The following DHRS4L2 variants were observed in gnomAD, a reference collection of about 807,000 sequenced individuals.
DHRS4L2 encodes the protein dehydrogenase/reductase SDR family member 4-like 2.
A neutral mutation model predicts 23.9 loss-of-function variants in DHRS4L2; 22 were observed. The observed-to-expected ratio is 0.92, with a 90% confidence interval of 0.66 to 1.31. The LOEUF is 1.31. DHRS4L2 is among the 40% of genes most tolerant of loss of function. The pLI is 0.00. For missense variants in DHRS4L2, 385 were observed against 303.3 expected, an observed-to-expected ratio of 1.27 and a Z score of -2.00; for synonymous variants, 141 against 123.7, an observed-to-expected ratio of 1.14 and a Z score of -0.93.
At chr14:24,005,652 T>G (rs927239711) in intron 7 of DHRS4L2, among the ~76,000 whole-genome samples, 1 of 151,954 alleles carries the variant, frequency 6.6e-6, no homozygotes, top group African/African-American at 2.4e-5. Flanking sequence ...ACCGGTGTGT[T>G]TCTATAGTAT....
chr14:23,991,821 A>C (rs56145320), intron 2 of DHRS4L2, among the ~76,000 whole-genome samples: 3,536 of 149,674 alleles, frequency 0.024, 109 homozygotes, highest in Middle Eastern at 0.058. Flanking sequence ...ACTGCAACCT[A>C]CGCCTCCAGG....
chr14:23,991,246 G>A (rs2034262566), intron 2 of DHRS4L2, among the ~76,000 whole-genome samples: 1 of 151,680 alleles, frequency 6.6e-6, no homozygotes, highest in Non-Finnish European at 1.5e-5. Flanking sequence ...CCATTTTTAA[G>A]GAACAGTCTG....
At chr14:23,984,483 C>T (rs2034105490), upstream of DHRS4L2, among the ~76,000 whole-genome samples, 1 of 151,482 alleles carries the variant, frequency 6.6e-6, no homozygotes, top group Admixed American at 6.6e-5. Flanking sequence ...TCATCACTCA[C>T]TCGACTTTCA....
At chr14:23,976,520 T>C (rs987922287) in intron 1 of DHRS4L2, among the ~76,000 whole-genome samples, 1 of 151,784 alleles carries the variant, frequency 6.6e-6, no homozygotes, top group African/African-American at 2.4e-5. Flanking sequence ...TGTAAATTAG[T>C]TCAACCATTG....
intron 2 of DHRS4L2, among the ~76,000 whole-genome samples, chr14:23,994,181 C>G (rs1286743592): frequency 1.3e-5 from 2 of 151,684 alleles, no homozygotes; most frequent in Non-Finnish European, 2.9e-5. Flanking sequence ...GACAGATTGA[C>G]TTTGAGATAA....
At chr14:23,981,250 T>C (rs1419063039) in intron 1 of DHRS4L2, among the ~76,000 whole-genome samples, 23 of 151,458 alleles carry the variant, frequency 1.5e-4, no homozygotes, top group South Asian at 6.3e-4. Flanking sequence ...TTACAAGGGA[T>C]GTGAAGGACC....
At chr14:23,988,667 G>C, upstream of DHRS4L2, 2 of 673,098 alleles carry the variant, frequency 3.0e-6, no homozygotes, top group Non-Finnish European at 4.1e-6. Flanking sequence ...GGGTTCCTGC[G>C]GGGGCCAGGG....
At chr14:23,977,445 G>C (rs1300289578) in intron 1 of DHRS4L2, among the ~76,000 whole-genome samples, 1 of 151,654 alleles carries the variant, frequency 6.6e-6, no homozygotes, top group Non-Finnish European at 1.5e-5. Flanking sequence ...TTATCACTGA[G>C]CTTAAGCCAC....
At chr14:23,983,498 A>C (rs1366068052) in intron 1 of DHRS4L2, among the ~76,000 whole-genome samples, 1 of 151,662 alleles carries the variant, frequency 6.6e-6, no homozygotes, top group Non-Finnish European at 1.5e-5. Flanking sequence ...CTATAACCTG[A>C]AACACCATTT....
intron 1 of DHRS4L2, among the ~76,000 whole-genome samples, chr14:23,978,047 A>G (rs907713673): frequency 3.3e-5 from 5 of 151,674 alleles, no homozygotes; most frequent in African/African-American, 1.2e-4. Context: ...CAGATGGTCC[A>G]TCCTCACACT....
intron 1 of DHRS4L2, among the ~76,000 whole-genome samples, chr14:23,976,982 A>C (rs2033979184): frequency 6.6e-6 from 1 of 151,824 alleles, no homozygotes. Context: ...GAGGGATAGC[A>C]TTAGGAGAAA....
At position 24,001,499 on chromosome 14, in the gene DHRS4L2, G is replaced by A; in HGVS notation, c.647G>A (p.Arg216Lys). 1 of 1,602,940 alleles carries A rather than the reference G, an allele frequency of 6.2e-7. No homozygotes were observed. Among genetic ancestry groups the A allele is most frequent in the African/African-American group, 1.4e-5 (1 of 69,688 alleles). Residue 216 changes from arginine to lysine, a missense_variant, in exon 6 of 8, where the codon AGA becomes AAA. Transcript: ENST00000335125. ...RVNCLHLDLS[R>K]LASAGCSGWT... The stretch of plus-strand genomic sequence containing the variant: ...AACTGCCTGCACCTGGACTTATCAA[G>A]ACTAGCTTCAGCAGGATGGTGAGGA...
intron 2 of DHRS4L2, among the ~76,000 whole-genome samples, chr14:23,991,181 A>G (rs1449289477): frequency 6.6e-6 from 1 of 151,828 alleles, no homozygotes; most frequent in African/African-American, 2.4e-5. Flanking sequence ...AATAATTTGC[A>G]TAATCTTCTT....
chr14:23,986,815 C>CA (rs760942267), upstream of DHRS4L2, among the ~76,000 whole-genome samples: 170 of 151,580 alleles, frequency 1.1e-3, 5 homozygotes, highest in Non-Finnish European at 1.8e-3. Flanking sequence ...CCCCCCAGCC[C>CA]CACACAGATG....
chr14:23,971,181 G>C (rs985566039), intron 1 of DHRS4L2, among the ~76,000 whole-genome samples: 13 of 151,966 alleles, frequency 8.6e-5, no homozygotes, highest in African/African-American at 2.9e-4. Flanking sequence ...AGCTTCAGAA[G>C]GTCAGTAATA....
intron 1 of DHRS4L2, among the ~76,000 whole-genome samples, chr14:23,989,755 T>A (rs1465708921): frequency 6.6e-6 from 1 of 151,766 alleles, no homozygotes; most frequent in African/African-American, 2.4e-5. Flanking sequence ...TCTTTTCACA[T>A]GCACCCCAAA....
rs570063294 is a variant in DHRS4L2, at chr14:24,000,683, C to T, written c.409-180C>T. On this transcript the variant is annotated intron_variant, in intron 3 of 7. Coordinates refer to ENST00000335125, the MANE Select transcript of DHRS4L2 (RefSeq NM_198083.4). Reference sequence around the variant, plus strand: ...AATGTATCATTATCTAGCTGAGCAGCTGGTGAGAGCTACTTCTCCCTGAAC... The same window carrying T: ...AATGTATCATTATCTAGCTGAGCAGTTGGTGAGAGCTACTTCTCCCTGAAC... Among the ~76,000 whole-genome samples the T allele has an allele frequency of 3.3e-5, 5 of 151,976 alleles. No homozygotes were observed. The South Asian group carries it at 1.0e-3, about 32-fold the overall frequency.
chr14:23,993,494 A>G (rs72692118), intron 2 of DHRS4L2, among the ~76,000 whole-genome samples: 3,388 of 151,594 alleles, frequency 0.022, 114 homozygotes, highest in Middle Eastern at 0.054. Context: ...AAAGTTGACC[A>G]AGGGCCCACA....
At chr14:23,983,634 A>C (rs1432531366) in intron 1 of DHRS4L2, among the ~76,000 whole-genome samples, 1 of 151,760 alleles carries the variant, frequency 6.6e-6, no homozygotes, top group Non-Finnish European at 1.5e-5. Context: ...ACCAACCCAA[A>C]TGCCCATCAA....
Sources: allele counts gnomAD v4.1 joint callset (sites outside exome capture counted in the v4.1 genomes callset), GRCh38; gene constraint gnomAD v4.1.1; transcripts MANE v1.5; gene names NCBI Gene and HGNC (gene_info 2026-07-23, HGNC 2026-07-21).